Variants in ZNF83 observed in about 807,000 individuals in gnomAD.
ZNF83 encodes the protein zinc finger protein 83.
For missense variants in ZNF83, 552 were observed against 629.9 expected, an observed-to-expected ratio of 0.88 and a Z score of 1.32; for synonymous variants, 209 against 213.0, an observed-to-expected ratio of 0.98 and a Z score of 0.17.
At chr19:52,641,795 C>T (rs116188840), upstream of ZNF83, among the ~76,000 whole-genome samples, 1,298 of 152,218 alleles carry the variant, frequency 8.5e-3, 22 homozygotes, top group African/African-American at 0.03. Context: ...TGTGACACAG[C>T]CTCAGGCGGT....
At chr19:52,679,978 G>A (rs1425525338) in intron 1 of ZNF83, among the ~76,000 whole-genome samples, 3 of 152,082 alleles carry the variant, frequency 2.0e-5, no homozygotes, top group African/African-American at 4.8e-5. Flanking sequence ...GTTGGGGTTC[G>A]AGACCAGACT....
chr19:52,680,769 C>A (rs1433543303), intron 1 of ZNF83, among the ~76,000 whole-genome samples: 1 of 145,504 alleles, frequency 6.9e-6, no homozygotes, highest in Admixed American at 6.7e-5. Context: ...CCCGCCACTA[C>A]GCCCGGCTAA....
At position 52,671,816 on chromosome 19, in the gene ZNF83, T is replaced by C. The variant is rs576686050; in HGVS notation, c.-282-10973A>G. Among the ~76,000 whole-genome samples, 87 of 152,328 alleles carry C rather than the reference T, an allele frequency of 5.7e-4. 2 individuals are homozygous for C. The South Asian group carries it at 0.017, about 30-fold the overall frequency. On this transcript the variant is annotated intron_variant, in intron 1 of 5. Transcript: ENST00000594682. The stretch of plus-strand genomic sequence containing the variant: ...TATCAGGTGGGAATAACAAAGGCTA[T>C]AAAATATGCAGTCTTTAAATGTTAG...
chr19:52,684,763 T>C (rs1263411283), intron 1 of ZNF83, among the ~76,000 whole-genome samples: 1 of 151,660 alleles, frequency 6.6e-6, no homozygotes, highest in Non-Finnish European at 1.5e-5. Context: ...GCAGGGACAA[T>C]GACCTGAGAC....
chr19:52,618,731 A>T (rs1171244652), intron 2 of ZNF83: 1 of 979,810 alleles, frequency 1.0e-6, no homozygotes, highest in Admixed American at 3.1e-5. Flanking sequence ...TACTTCTGGA[A>T]CCCCCACTGA....
rs1415808709 is a variant in ZNF83, at chr19:52,677,294, C to T, written c.-283+13149G>A. ...TTTGCTTTTGAATATTAAAGACAGACAAATTGAGAAGTAAAAAAAAAAAAA... is the reference window on the plus strand; with the variant it reads ...TTTGCTTTTGAATATTAAAGACAGATAAATTGAGAAGTAAAAAAAAAAAAA... On this transcript the variant is annotated intron_variant, in intron 1 of 5. Coordinates refer to the ZNF83 transcript ENST00000594682. Among the ~76,000 whole-genome samples the T allele has an allele frequency of 8.9e-5, 11 of 123,574 alleles. 1 individual carries two copies. The highest frequency in any genetic ancestry group is 2.9e-4 in the African/African-American group (10 of 34,202). The allele number at this position is 123,574 out of a possible 152,430, so 81.1% of individuals were successfully genotyped here. A position where few individuals can be genotyped will look rare whatever the true frequency, so the allele number is the denominator to read the frequency against.
chr19:52,660,688 CG>C (rs2061568262), intron 2 of ZNF83: 1 of 166,968 alleles, frequency 6.0e-6, no homozygotes, highest in Non-Finnish European at 1.3e-5. Context: ...TTCAGACTCA[CG>C]GAAGTCTGCC....
At chr19:52,648,831 T>C (rs983464709) in intron 3 of ZNF83, among the ~76,000 whole-genome samples, 5 of 152,088 alleles carry the variant, frequency 3.3e-5, no homozygotes, top group African/African-American at 9.7e-5. Flanking sequence ...GTCTGACCAG[T>C]CTATGCACAG....
intron 2 of ZNF83, chr19:52,655,696 A>G: frequency 2.0e-6 from 2 of 1,022,112 alleles, no homozygotes; most frequent in East Asian, 2.4e-5. Context: ...CCCTAAAATT[A>G]AACACACATT....
chr19:52,621,001 C>T (rs2060522751), intron 2 of ZNF83, among the ~76,000 whole-genome samples: 1 of 152,204 alleles, frequency 6.6e-6, no homozygotes, highest in South Asian at 2.1e-4. Context: ...CCCCTATCTC[C>T]CTTTGCTGAC....
intron 1 of ZNF83, among the ~76,000 whole-genome samples, chr19:52,673,930 T>C (rs899638154): frequency 2.0e-5 from 3 of 146,616 alleles, no homozygotes; most frequent in African/African-American, 7.6e-5. Flanking sequence ...GCAGGAGAAT[T>C]GGTTGAAGCT....
chr19:52,622,285 A>T lies in ZNF83; in HGVS notation c.-233-7488T>A, dbSNP rs142928318. Among the ~76,000 whole-genome samples, 153 of 152,256 alleles carry T rather than the reference A, an allele frequency of 1.0e-3. 1 individual carries two copies. Among genetic ancestry groups the T allele is most frequent in the African/African-American group, 3.4e-3 (143 of 41,554 alleles). On this transcript the variant is annotated intron_variant, in intron 2 of 2. Coordinates refer to ENST00000301096, the Ensembl canonical transcript of ZNF83. ...TCTCTATCAGACCTTTCCCAAATTA[A>T]TCAACACTTAGGCCCCTTCTCGTGA...
chr19:52,649,187 C>T (rs1178109493), intron 3 of ZNF83, among the ~76,000 whole-genome samples: 3 of 152,178 alleles, frequency 2.0e-5, no homozygotes, highest in Non-Finnish European at 4.4e-5. Context: ...CACCCCAGCA[C>T]CAATTCCAGC....
intron 3 of ZNF83, among the ~76,000 whole-genome samples, chr19:52,653,442 T>G (rs2061468664): frequency 6.6e-6 from 1 of 152,214 alleles, no homozygotes; most frequent in South Asian, 2.1e-4. Flanking sequence ...GTGAAAGGCA[T>G]GAATTATGCC....
intron 2 of ZNF83, among the ~76,000 whole-genome samples, chr19:52,622,276 C>T (rs1373487357): frequency 6.6e-6 from 1 of 152,142 alleles, no homozygotes; most frequent in East Asian, 1.9e-4. Context: ...TCAGACCTTT[C>T]CCAAATTAAT....
At chr19:52,667,555 A>AT (rs2061671676) in intron 1 of ZNF83, among the ~76,000 whole-genome samples, 1 of 152,194 alleles carries the variant, frequency 6.6e-6, no homozygotes, top group South Asian at 2.1e-4. Flanking sequence ...AAGAATGTGG[A>AT]TTTTTACCTA....
At chr19:52,624,908 T>G (rs1201060534) in intron 2 of ZNF83, among the ~76,000 whole-genome samples, 2 of 152,128 alleles carry the variant, frequency 1.3e-5, no homozygotes, top group Admixed American at 1.3e-4. Flanking sequence ...CTATACTCAC[T>G]CTTTGTTGAG....
rs12972620 is a variant in ZNF83, at chr19:52,683,695, A to T, written c.-283+6748T>A. ...GTCTGTAGGGCTTTTCTGACCTTAG[A>T]GAGGCCTTCTCCTCTTATTTTGACT... is the stretch of plus-strand genomic sequence containing the variant. On this transcript the variant is annotated intron_variant, in intron 1 of 5. Transcript: ENST00000594682. Among the ~76,000 whole-genome samples, 720 of 152,166 alleles carry T rather than the reference A, an allele frequency of 4.7e-3. 6 individuals are homozygous for T. Among genetic ancestry groups the T allele is most frequent in the East Asian group, 8.2e-3 (42 of 5,150 alleles).
At chr19:52,635,363 G>A (rs904992420) in intron 1 of ZNF83, 6 of 293,324 alleles carry the variant, frequency 2.0e-5, no homozygotes, top group East Asian at 1.1e-4. Flanking sequence ...CACACACGCT[G>A]CAGCAGTGGG....
Sources: gnomAD v4.1 joint callset for allele counts (sites outside exome capture counted in the v4.1 genomes callset) on GRCh38, gnomAD v4.1.1 for gene constraint, MANE v1.5 for transcripts, NCBI Gene and HGNC (gene_info 2026-07-23, HGNC 2026-07-21) for gene names.